The following LEKR1 variants were observed in gnomAD, a reference collection of about 807,000 sequenced individuals.
LEKR1 encodes protein LEKR1.
Under a neutral mutation model 72.4 loss-of-function variants are expected in LEKR1, and 59 were observed. The ratio of observed to expected loss-of-function variants is 0.82; its 90% confidence interval spans 0.66 to 1.01. LEKR1 has a LOEUF of 1.01. Among genes scored for constraint, LEKR1 ranks in the 50% least tolerant of loss-of-function variants. The pLI is 0.00. For missense variants in LEKR1, 728 were observed against 759.2 expected, an observed-to-expected ratio of 0.96 and a Z score of 0.48; for synonymous variants, 257 against 263.2, an observed-to-expected ratio of 0.98 and a Z score of 0.23.
At chr3:156,918,342 G>A (rs1326918202) in intron 3 of LEKR1, among the ~76,000 whole-genome samples, 1 of 152,144 alleles carries the variant, frequency 6.6e-6, no homozygotes, top group Admixed American at 6.6e-5. Context: ...ATCTGCATGT[G>A]CAGCTAAGTA....
In LEKR1 at chr3:157,028,415, T is replaced by C. The variant is rs1052084094; in HGVS notation, c.1668+13T>C. The C allele has an allele frequency of 1.9e-6, 3 of 1,555,954 alleles. No individual in the cohort carries two copies. In the Admixed American group the frequency reaches 6.2e-5, roughly 32 times the overall value. On this transcript the variant is annotated intron_variant, in intron 12 of 12. Transcript: ENST00000356539. ...GTCCCAGGAAGAGGTAGGAAGCAGA[T>C]AGTGGTAACTTTGCAATTAATCAAA...
intron 2 of LEKR1, among the ~76,000 whole-genome samples, chr3:156,848,742 TA>T: frequency 6.6e-6 from 1 of 152,308 alleles, no homozygotes; most frequent in East Asian, 1.9e-4. Flanking sequence ...TTCAGCATTT[TA>T]AAATCAGAGA....
rs143080255 is a variant in LEKR1 at position 156,966,417 on chromosome 3, G to A, written c.746-12777G>A. ...TGACAGACAGCACCTGGAAAATCGT[G>A]TCACTTCCACCCTAATACTGCGCTT... On this transcript the variant is annotated intron_variant, in intron 6 of 12. Transcript: ENST00000356539. Among the ~76,000 whole-genome samples, 520 of 152,278 alleles carry A rather than the reference G, an allele frequency of 3.4e-3. 2 individuals carry two copies. Among genetic ancestry groups the A allele is most frequent in the African/African-American group, 0.012 (494 of 41,558 alleles).
At chr3:157,037,008 T>C (rs557569751) in intron 12 of LEKR1, among the ~76,000 whole-genome samples, 1 of 152,312 alleles carries the variant, frequency 6.6e-6, no homozygotes, top group Admixed American at 6.5e-5. Context: ...CATATGCTTA[T>C]ATACTATAAT....
chr3:157,031,058 T>C (rs919600306), intron 12 of LEKR1, among the ~76,000 whole-genome samples: 3 of 152,138 alleles, frequency 2.0e-5, no homozygotes, highest in Non-Finnish European at 2.9e-5. Flanking sequence ...GTGAAATCAT[T>C]GCACAAAGAT....
At chr3:156,942,437 T>C in intron 5 of LEKR1, 92 bp from the exon 6 acceptor site, 1 of 383,922 alleles carries the variant, frequency 2.6e-6, no homozygotes, top group Non-Finnish European at 4.4e-6. Flanking sequence ...GCCTTTCAAC[T>C]ATTAATTTTC....
intron 2 of LEKR1, among the ~76,000 whole-genome samples, chr3:156,839,832 A>G (rs1458268858): frequency 6.6e-6 from 1 of 152,230 alleles, no homozygotes; most frequent in African/African-American, 2.4e-5. Flanking sequence ...CGTTGGAAGA[A>G]GGATTGGCAC....
intron 2 of LEKR1, among the ~76,000 whole-genome samples, chr3:156,838,141 G>T (rs1044880247): frequency 6.6e-6 from 1 of 152,206 alleles, no homozygotes; most frequent in African/African-American, 2.4e-5. Flanking sequence ...TCCACTCAAA[G>T]TGGGGTGGGG....
At chr3:157,015,786 A>G (rs1489514306) in intron 10 of LEKR1, among the ~76,000 whole-genome samples, 1 of 152,200 alleles carries the variant, frequency 6.6e-6, no homozygotes, top group East Asian at 1.9e-4. Flanking sequence ...CAGAAAAGAC[A>G]TTAAAACAAA....
intron 4 of LEKR1, among the ~76,000 whole-genome samples, chr3:156,923,426 A>G (rs1724400556): frequency 1.3e-5 from 2 of 152,254 alleles, no homozygotes; most frequent in Admixed American, 6.5e-5. Flanking sequence ...ATGGAATCAT[A>G]CAATATGTTG....
intron 3 of LEKR1, among the ~76,000 whole-genome samples, chr3:156,886,983 A>G (rs1273518324): frequency 6.6e-6 from 1 of 152,218 alleles, no homozygotes; most frequent in Admixed American, 6.5e-5. Context: ...TGTTTTGTCC[A>G]TCCATGTGGG....
intron 12 of LEKR1, among the ~76,000 whole-genome samples, chr3:157,043,957 T>C (rs1291205625): frequency 6.6e-6 from 1 of 152,258 alleles, no homozygotes; most frequent in Non-Finnish European, 1.5e-5. Flanking sequence ...AACTGGCTAA[T>C]CTGGAATTGC....
At chr3:156,922,169 GT>G (rs1426489108) in intron 4 of LEKR1, among the ~76,000 whole-genome samples, 1 of 152,042 alleles carries the variant, frequency 6.6e-6, no homozygotes, top group Non-Finnish European at 1.5e-5. Flanking sequence ...AATAATTATT[GT>G]TTTTATACTT....
At chr3:156,924,057 T>C (rs368154311) in intron 4 of LEKR1, among the ~76,000 whole-genome samples, 186 of 152,268 alleles carry the variant, frequency 1.2e-3, no homozygotes, top group African/African-American at 4.3e-3. Flanking sequence ...ACTGCCAACC[T>C]GTTTTCCAAA....
intron 5 of LEKR1, among the ~76,000 whole-genome samples, chr3:156,932,134 T>G (rs745505630): frequency 3.3e-5 from 5 of 152,200 alleles, no homozygotes; most frequent in African/African-American, 4.8e-5. Flanking sequence ...TATAGTTATG[T>G]GACAAAGAAA....
chr3:156,995,925 C>T (rs1478570570), intron 9 of LEKR1, among the ~76,000 whole-genome samples: 1 of 144,104 alleles, frequency 6.9e-6, no homozygotes, highest in Admixed American at 7.0e-5. Context: ...GCGTTGCCTT[C>T]TTCTTTTTTC....
intron 5 of LEKR1, among the ~76,000 whole-genome samples, chr3:156,928,923 C>T (rs527548843): frequency 7.2e-5 from 11 of 152,074 alleles, no homozygotes; most frequent in Admixed American, 3.9e-4. Context: ...TAACATAACA[C>T]CCACAATGTT....
chr3:156,991,649 A>C (rs760062110), intron 7 of LEKR1, among the ~76,000 whole-genome samples: 1 of 152,100 alleles, frequency 6.6e-6, no homozygotes, highest in East Asian at 1.9e-4. Context: ...GTTTTCTTTC[A>C]GTTTTAGATC....
At chr3:156,888,435 T>G (rs764870671) in intron 3 of LEKR1, 6 of 687,906 alleles carry the variant, frequency 8.7e-6, no homozygotes, top group Non-Finnish European at 1.6e-5. Flanking sequence ...CTTAATAACT[T>G]TGTTTTTGCA....
Sources: allele counts gnomAD v4.1 joint callset (sites outside exome capture counted in the v4.1 genomes callset), GRCh38; gene constraint gnomAD v4.1.1; transcripts MANE v1.5; gene names NCBI Gene and HGNC (gene_info 2026-07-23, HGNC 2026-07-21).